Variants in NELL2 observed in about 807,000 individuals in gnomAD.
The protein encoded by NELL2 is protein kinase C-binding protein NELL2.
A neutral mutation model predicts 109.6 loss-of-function variants in NELL2; 41 were observed. That is an observed-to-expected ratio of 0.37 (90% CI 0.29 to 0.49). The LOEUF (loss-of-function observed/expected upper bound fraction) is 0.49, where lower values mean the gene tolerates loss of function less well. Among genes scored for constraint, NELL2 ranks in the 20% least tolerant of loss-of-function variants. NELL2 has a pLI of 0.98. For missense variants in NELL2, 900 were observed against 1,008.3 expected (o/e 0.89, Z 1.45); for synonymous variants, 355 against 344.7 (o/e 1.03, Z -0.33).
chr12:44,823,449 T>G (rs1943607006), intron 2 of NELL2, among the ~76,000 whole-genome samples: 1 of 152,160 alleles, frequency 6.6e-6, no homozygotes, highest in South Asian at 2.1e-4. Flanking sequence ...TTCTATGAAT[T>G]CAATGTTTTT....
In NELL2 at chr12:44,799,501, T is replaced by C. The variant is rs117979829; in HGVS notation, c.335+16485A>G. Among the ~76,000 whole-genome samples, 121 of 73,888 alleles carry C rather than the reference T, an allele frequency of 1.6e-3. 2 individuals are homozygous for C. In the East Asian group the frequency reaches 0.033, roughly 20 times the overall value. The allele number at this position is 73,888 out of a possible 152,430, so 48.5% of individuals were successfully genotyped here. ...CTCCAAGTTGGTGTTCACTGAAGTA[T>C]GGTAGGTTGAGAAGGGTCAACTGCA... On this transcript the variant is annotated intron_variant, in intron 3 of 19. Coordinates refer to ENST00000429094, the MANE Select transcript of NELL2 (RefSeq NM_001145108.2).
intron 2 of NELL2, among the ~76,000 whole-genome samples, chr12:44,854,711 G>T (rs899214505): frequency 9.2e-5 from 14 of 151,678 alleles, no homozygotes; most frequent in Admixed American, 7.2e-4. Flanking sequence ...TGGATGGGTG[G>T]GTGGGTGGAT....
At chr12:44,688,044 T>C (rs1285338025) in intron 12 of NELL2, among the ~76,000 whole-genome samples, 3 of 152,202 alleles carry the variant, frequency 2.0e-5, no homozygotes, top group African/African-American at 7.2e-5. Flanking sequence ...TCAAGTATTT[T>C]AACCTGCTAT....
intron 15 of NELL2, among the ~76,000 whole-genome samples, chr12:44,587,188 T>C (rs1944543328): frequency 6.8e-6 from 1 of 146,786 alleles, no homozygotes; most frequent in South Asian, 2.1e-4. Context: ...AGGAGAATGG[T>C]GTGAACCCAG....
intron 14 of NELL2, among the ~76,000 whole-genome samples, chr12:44,609,601 T>C (rs1028653641): frequency 2.0e-5 from 3 of 152,034 alleles, no homozygotes; most frequent in Non-Finnish European, 4.4e-5. Context: ...TTTCTCAGGA[T>C]TTGTTTAGTT....
At chr12:44,519,899 G>GAA (rs60797262) in intron 19 of NELL2, 106 bp downstream of exon 19, 2,358 of 826,828 alleles carry the variant, frequency 2.9e-3, no homozygotes, top group East Asian at 5.9e-3. Flanking sequence ...AAATAAACAG[G>GAA]AAAAAAAAAA....
chr12:44,608,277 A>C (rs1398082227), intron 14 of NELL2, among the ~76,000 whole-genome samples: 2 of 152,076 alleles, frequency 1.3e-5, no homozygotes, highest in Non-Finnish European at 2.9e-5. Flanking sequence ...TTTCAGAGTA[A>C]TAAAATGTAG....
chr12:44,704,793 T>C (rs112739042), intron 11 of NELL2, among the ~76,000 whole-genome samples: 9,392 of 152,022 alleles, frequency 0.062, 951 homozygotes, highest in African/African-American at 0.21. Flanking sequence ...CTGAAGCAGA[T>C]GGATCATTTA....
chr12:44,730,636 T>TA (rs963678156), intron 9 of NELL2, among the ~76,000 whole-genome samples: 6 of 151,476 alleles, frequency 4.0e-5, no homozygotes, highest in Non-Finnish European at 8.9e-5. Context: ...GCAAAAGCAG[T>TA]AAAAAAGGGA....
At chr12:44,822,881 AG>A (rs1164391221) in intron 2 of NELL2, among the ~76,000 whole-genome samples, 11 of 152,282 alleles carry the variant, frequency 7.2e-5, no homozygotes, top group Admixed American at 2.0e-4. Flanking sequence ...AAAAATTTCT[AG>A]GGATTTAGAC....
intron 15 of NELL2, among the ~76,000 whole-genome samples, chr12:44,596,003 C>G (rs999164023): frequency 4.6e-5 from 7 of 152,108 alleles, no homozygotes; most frequent in South Asian, 2.1e-4. Context: ...TTCTTAAGAG[C>G]AATTTCTTCT....
At chr12:44,552,317 A>G (rs12304650) in intron 15 of NELL2, among the ~76,000 whole-genome samples, 17,055 of 152,026 alleles carry the variant, frequency 0.11, 3,176 homozygotes, top group African/African-American at 0.39. Flanking sequence ...CATCCTTGTA[A>G]CCTGTCATTT....
chr12:44,616,771 G>A (rs1945836121), intron 13 of NELL2, among the ~76,000 whole-genome samples: 1 of 152,132 alleles, frequency 6.6e-6, no homozygotes. Flanking sequence ...AATATGTAGT[G>A]ACCTGCACTG....
At chr12:44,575,549 G>T (rs1316287809) in intron 15 of NELL2, among the ~76,000 whole-genome samples, 2 of 152,176 alleles carry the variant, frequency 1.3e-5, no homozygotes, top group Admixed American at 1.3e-4. Context: ...TGCCTTTTGG[G>T]TGTCCAGTTG....
chr12:44,919,708 C>T (rs946822434), intron 1 of NELL2, among the ~76,000 whole-genome samples: 7 of 152,132 alleles, frequency 4.6e-5, no homozygotes, highest in South Asian at 4.1e-4. Context: ...GGCATGGAAT[C>T]GATTCTCTCC....
intron 15 of NELL2, among the ~76,000 whole-genome samples, chr12:44,602,518 T>A (rs1439749455): frequency 6.6e-6 from 1 of 152,192 alleles, no homozygotes; most frequent in Non-Finnish European, 1.5e-5. Context: ...AAAATAAAAC[T>A]AAAAAATTCT....
chr12:44,588,336 G>A (rs1565976749), intron 15 of NELL2, among the ~76,000 whole-genome samples: 1 of 152,126 alleles, frequency 6.6e-6, no homozygotes, highest in Non-Finnish European at 1.5e-5. Context: ...CTCTGAGGCA[G>A]CCTGAGCCAT....
chr12:44,683,883 T>C (rs1948618810), intron 12 of NELL2, among the ~76,000 whole-genome samples: 2 of 152,212 alleles, frequency 1.3e-5, no homozygotes, highest in Admixed American at 1.3e-4. Context: ...AAAATTCTCT[T>C]TTTTGGTTGT....
intron 3 of NELL2, among the ~76,000 whole-genome samples, chr12:44,789,005 A>G (rs142105299): frequency 1.5e-3 from 232 of 152,118 alleles, no homozygotes; most frequent in African/African-American, 4.9e-3. Context: ...AACCTGCCCA[A>G]GGAGAGTCTG....
Sources: gnomAD v4.1 joint callset for allele counts (sites outside exome capture counted in the v4.1 genomes callset) on GRCh38, gnomAD v4.1.1 for gene constraint, MANE v1.5 for transcripts, NCBI Gene and HGNC (gene_info 2026-07-23, HGNC 2026-07-21) for gene names.